Variants in SDC2 observed in about 807,000 individuals in gnomAD.
SDC2 encodes syndecan-2.
Under a neutral mutation model 22.2 loss-of-function variants are expected in SDC2, and 13 were observed. That is an observed-to-expected ratio of 0.59 (90% CI 0.38 to 0.93). The LOEUF (loss-of-function observed/expected upper bound fraction) is 0.93. Ranked by LOEUF, SDC2 falls within the 40% of genes least tolerant of loss-of-function variation. The pLI is 0.00. For synonymous variants in SDC2, 94 were observed against 92.8 expected (o/e 1.01, Z -0.07); for missense variants, 235 against 246.8 (o/e 0.95, Z 0.32).
chr8:96,580,766 C>T (rs909150389), intron 1 of SDC2, among the ~76,000 whole-genome samples: 10 of 152,050 alleles, frequency 6.6e-5, no homozygotes, highest in South Asian at 2.1e-4. Flanking sequence ...AAAGAGGGAG[C>T]GGGGTGCTCA....
intron 1 of SDC2, among the ~76,000 whole-genome samples, chr8:96,589,195 T>A (rs564961892): frequency 2.9e-4 from 44 of 152,314 alleles, no homozygotes; most frequent in Admixed American, 1.8e-3. Flanking sequence ...CTGTCCTCAA[T>A]TTTCCAACCT....
At position 96,609,755 on chromosome 8, in the gene SDC2, A is replaced by G. The variant is rs1204513298; in HGVS notation, c.*207A>G. The G allele has an allele frequency of 5.2e-6, 2 of 384,734 alleles. No individual in the cohort carries two copies. The highest frequency in any genetic ancestry group is 4.1e-5 in the African/African-American group (2 of 48,260). 23.8% of individuals were successfully genotyped at this position (384,734 alleles called of 1,614,324 possible). On this transcript the variant is annotated 3_prime_UTR_variant, in exon 5 of 5. Coordinates refer to ENST00000302190, the MANE Select transcript of SDC2 (RefSeq NM_002998.4). ...ATTTAACATCTGCAGTGTTCTGTGA[A>G]TAGCAGTGGCAAAATATTATGTTAT...
At chr8:96,511,775 A>T (rs1361008354) in intron 1 of SDC2, among the ~76,000 whole-genome samples, 1 of 150,746 alleles carries the variant, frequency 6.6e-6, no homozygotes, top group Non-Finnish European at 1.5e-5. Flanking sequence ...TGGCTGCATC[A>T]AGAGGCTTAT....
At chr8:96,496,822 G>C (rs1223520011) in intron 1 of SDC2, among the ~76,000 whole-genome samples, 2 of 152,188 alleles carry the variant, frequency 1.3e-5, no homozygotes, top group African/African-American at 2.4e-5. Flanking sequence ...CCTATGAAAA[G>C]GAACTGGTAG....
chr8:96,587,049 A>G (rs993447340), intron 1 of SDC2, among the ~76,000 whole-genome samples: 1 of 152,076 alleles, frequency 6.6e-6, no homozygotes, highest in African/African-American at 2.4e-5. Flanking sequence ...CGGCCTCCCA[A>G]GTAGCTGGGA....
At chr8:96,597,663 A>G (rs2582799) in intron 2 of SDC2, among the ~76,000 whole-genome samples, 59,034 of 152,188 alleles carry the variant, frequency 0.39, 12,563 homozygotes, top group Non-Finnish European at 0.48. Flanking sequence ...ACAGGATACT[A>G]TAAAACAGGA....
chr8:96,572,529 C>T (rs540610580), intron 1 of SDC2, among the ~76,000 whole-genome samples: 1 of 152,190 alleles, frequency 6.6e-6, no homozygotes, highest in African/African-American at 2.4e-5. Context: ...TGACTGGGTA[C>T]TTTGTGCTCC....
rs150857939 is a variant in SDC2, at chr8:96,495,169, C to T, written c.60+838C>T. ...GACACGGCGCTCGGCTTCGGGTCGC[C>T]TGGCCGCTGGGGGACAGAGGCTTCC... On this transcript the variant is annotated intron_variant, in intron 1 of 4. Coordinates refer to ENST00000302190, the MANE Select transcript of SDC2 (RefSeq NM_002998.4). 4.9e-3 allele frequency among the ~76,000 whole-genome samples: 750 copies of T among 152,274 alleles called. 4 individuals are homozygous for T. The highest frequency in any genetic ancestry group is 0.017 in the African/African-American group (698 of 41,564).
intron 1 of SDC2, among the ~76,000 whole-genome samples, chr8:96,521,711 A>G (rs1439399763): frequency 1.3e-5 from 2 of 152,214 alleles, no homozygotes; most frequent in East Asian, 3.8e-4. Flanking sequence ...TGCGGTTGTA[A>G]CAAGATCCTC....
intron 1 of SDC2, among the ~76,000 whole-genome samples, chr8:96,558,819 A>ATGTGTG (rs57214351): frequency 6.6e-6 from 1 of 151,512 alleles, no homozygotes; most frequent in Non-Finnish European, 1.5e-5. Flanking sequence ...ACATTTGAAT[A>ATGTGTG]TGTGTGTGTG....
At chr8:96,534,101 G>C (rs1302390312) in intron 1 of SDC2, among the ~76,000 whole-genome samples, 1 of 152,224 alleles carries the variant, frequency 6.6e-6, no homozygotes, top group Non-Finnish European at 1.5e-5. Context: ...TGGCCGCTCA[G>C]AGTGCGGGGC....
intron 1 of SDC2, among the ~76,000 whole-genome samples, chr8:96,506,687 G>T (rs186904694): frequency 6.6e-6 from 1 of 151,998 alleles, no homozygotes; most frequent in East Asian, 1.9e-4. Flanking sequence ...CCCAGGCTGT[G>T]GACCTTATAG....
intron 1 of SDC2, among the ~76,000 whole-genome samples, chr8:96,510,360 T>C (rs913117902): frequency 1.3e-5 from 2 of 152,196 alleles, no homozygotes; most frequent in African/African-American, 4.8e-5. Flanking sequence ...GAAGAGAGAG[T>C]GCTTTAGGCT....
At chr8:96,538,994 A>G (rs967753096) in intron 1 of SDC2, among the ~76,000 whole-genome samples, 1 of 152,244 alleles carries the variant, frequency 6.6e-6, no homozygotes, top group African/African-American at 2.4e-5. Context: ...TCATGACTGA[A>G]TATCATTAGG....
At chr8:96,504,491 A>G (rs1813209915) in intron 1 of SDC2, among the ~76,000 whole-genome samples, 1 of 152,244 alleles carries the variant, frequency 6.6e-6, no homozygotes, top group South Asian at 2.1e-4. Context: ...GAAGTCTCTT[A>G]TCATCTCCAT....
intron 3 of SDC2, among the ~76,000 whole-genome samples, chr8:96,605,017 G>A (rs921008298): frequency 1.3e-5 from 2 of 152,190 alleles, no homozygotes; most frequent in Non-Finnish European, 2.9e-5. Flanking sequence ...CTCCAGTTCT[G>A]TGGAGTCCTT....
intron 1 of SDC2, among the ~76,000 whole-genome samples, chr8:96,499,306 C>T (rs1813124122): frequency 6.6e-6 from 1 of 152,150 alleles, no homozygotes; most frequent in African/African-American, 2.4e-5. Flanking sequence ...TGTGAAAATA[C>T]AGATTTCAGG....
At chr8:96,532,428 T>TTTTTG (rs1813678534) in intron 1 of SDC2, among the ~76,000 whole-genome samples, 1 of 143,884 alleles carries the variant, frequency 7.0e-6, no homozygotes, top group African/African-American at 2.6e-5. Context: ...TTTTTTTTTT[T>TTTTTG]TTTTTTTGGT....
chr8:96,523,433 T>C (rs182067666), intron 1 of SDC2, among the ~76,000 whole-genome samples: 6 of 152,356 alleles, frequency 3.9e-5, no homozygotes, highest in African/African-American at 1.4e-4. Context: ...TTGCCCCTAA[T>C]GGATGGGATC....
Sources: gnomAD v4.1 joint callset for allele counts (sites outside exome capture counted in the v4.1 genomes callset) on GRCh38, gnomAD v4.1.1 for gene constraint, MANE v1.5 for transcripts, NCBI Gene and HGNC (gene_info 2026-07-23, HGNC 2026-07-21) for gene names.